TRIM2: variants seen among roughly 807,000 people sequenced by gnomAD.
TRIM2 encodes tripartite motif containing 2, also known as tripartite motif-containing protein 2.
In TRIM2, 20 loss-of-function variants were observed where a neutral mutation model predicts 75.2. The ratio of observed to expected loss-of-function variants is 0.27; its 90% CI spans 0.19 to 0.39. The LOEUF is 0.39. Among genes scored for constraint, TRIM2 ranks in the 10% least tolerant of loss-of-function variants. The pLI, the probability that TRIM2 is intolerant of heterozygous loss-of-function variation, is 1.00. For missense variants in TRIM2, 660 were observed against 990.8 expected (o/e 0.67, Z 4.48); for synonymous variants, 373 against 388.3 (o/e 0.96, Z 0.46).
intron 3 of TRIM2, 45 bp from the exon 4 acceptor site, chr4:153,292,937 C>CA (rs1762108119): frequency 6.5e-7 from 1 of 1,531,526 alleles, no homozygotes; most frequent in Non-Finnish European, 8.8e-7. Flanking sequence ...AGTAAGCCCT[C>CA]AACCCATGGC....
intron 1 of TRIM2, among the ~76,000 whole-genome samples, chr4:153,164,944 A>G (rs1013333288): frequency 2.6e-5 from 4 of 151,836 alleles, no homozygotes; most frequent in Admixed American, 6.6e-5. Flanking sequence ...AGAGCTAATT[A>G]TTACTTCATT....
chr4:153,160,698 G>A lies in TRIM2; in HGVS notation c.-49+7428G>A, dbSNP rs145053040. Among the ~76,000 whole-genome samples, 465 of 152,268 alleles carry A rather than the reference G, an allele frequency of 3.1e-3. 2 individuals are homozygous for A. The highest frequency in any genetic ancestry group is 9.1e-3 in the African/African-American group (379 of 41,564). ...CAGCCTCAACCTCTCAGGCTCAAGCGATCCTTATACTTCAGCCTCCCAAGT... is the reference window on the plus strand; with the variant it reads ...CAGCCTCAACCTCTCAGGCTCAAGCAATCCTTATACTTCAGCCTCCCAAGT... On this transcript the variant is annotated intron_variant, in intron 1 of 11. Transcript: ENST00000437508.
intron 8 of TRIM2, among the ~76,000 whole-genome samples, chr4:153,321,155 T>C (rs956063346): frequency 3.9e-5 from 6 of 152,148 alleles, no homozygotes; most frequent in African/African-American, 7.2e-5. Flanking sequence ...CCCAAGTATA[T>C]TAAAATGAAG....
chr4:153,180,175 T>A (rs912555480), intron 1 of TRIM2, among the ~76,000 whole-genome samples: 1 of 152,218 alleles, frequency 6.6e-6, no homozygotes, highest in Non-Finnish European at 1.5e-5. Context: ...GCAGAATGAT[T>A]TGCCTTCAAG....
chr4:153,278,678 T>C (rs1393765903), intron 3 of TRIM2, among the ~76,000 whole-genome samples: 1 of 151,970 alleles, frequency 6.6e-6, no homozygotes, highest in Non-Finnish European at 1.5e-5. Context: ...GCTGCACCTG[T>C]AGTCCCAGCT....
At chr4:153,222,458 G>A (rs1159815203) in intron 1 of TRIM2, 1 of 152,246 alleles carries the variant, frequency 6.6e-6, no homozygotes, top group Non-Finnish European at 1.5e-5. Context: ...TTGGAGGCTG[G>A]CTGCAGGAGC....
At chr4:153,230,613 G>T (rs777983331) in intron 1 of TRIM2, among the ~76,000 whole-genome samples, 6 of 152,236 alleles carry the variant, frequency 3.9e-5, no homozygotes, top group Admixed American at 6.5e-5. Context: ...GGGACTGTCA[G>T]TTTCTCCTGA....
chr4:153,231,516 G>A lies in TRIM2; in HGVS notation c.30+26956G>A, dbSNP rs566533749. Among the ~76,000 whole-genome samples, 4 of 152,156 alleles carry A rather than the reference G, an allele frequency of 2.6e-5. No homozygotes were observed. In the South Asian group the frequency reaches 8.3e-4, roughly 32 times the overall value. ...AGAGTCATTTTCCAGACAGGGATTA[G>A]GAGCCAGACACATCTGATGGGAGGA... On this transcript the variant is annotated intron_variant, in intron 1 of 11. Transcript: ENST00000338700.
At chr4:153,163,493 A>ATATTTTTTT (rs1390228832) in intron 1 of TRIM2, among the ~76,000 whole-genome samples, 2 of 80,880 alleles carry the variant, frequency 2.5e-5, no homozygotes, top group Non-Finnish European at 5.3e-5. Flanking sequence ...CTAGATTTAC[A>ATATTTTTTT]TCTTTTTTTT....
At chr4:153,292,547 T>C (rs1255396879) in intron 3 of TRIM2, among the ~76,000 whole-genome samples, 1 of 152,218 alleles carries the variant, frequency 6.6e-6, no homozygotes, top group Non-Finnish European at 1.5e-5. Context: ...AGCCTTGGCC[T>C]CCCAAAGTGC....
At chr4:153,229,394 G>C (rs1186697432) in intron 1 of TRIM2, among the ~76,000 whole-genome samples, 1 of 152,160 alleles carries the variant, frequency 6.6e-6, no homozygotes, top group Non-Finnish European at 1.5e-5. Flanking sequence ...CTCCCAAGTA[G>C]CTGGGACTAC....
At chr4:153,194,028 T>C (rs549346917) in intron 1 of TRIM2, among the ~76,000 whole-genome samples, 4 of 152,282 alleles carry the variant, frequency 2.6e-5, no homozygotes, top group South Asian at 2.1e-4. Flanking sequence ...CGTCCACTGA[T>C]GGCCCCCAGG....
chr4:153,288,932 T>A (rs1308216227), intron 3 of TRIM2, among the ~76,000 whole-genome samples: 2 of 152,156 alleles, frequency 1.3e-5, no homozygotes, highest in Non-Finnish European at 2.9e-5. Flanking sequence ...ATTTGGCTTT[T>A]AAAAAATAAT....
At chr4:153,265,758 A>G (rs921976695) in intron 1 of TRIM2, 2 of 135,376 alleles carry the variant, frequency 1.5e-5, no homozygotes, top group African/African-American at 6.0e-5. Context: ...GTGAGCACTC[A>G]TCATTTTTAC....
At chr4:153,303,876 C>T (rs371113769) in intron 6 of TRIM2, among the ~76,000 whole-genome samples, 48 of 152,136 alleles carry the variant, frequency 3.2e-4, no homozygotes, top group African/African-American at 1.1e-3. Context: ...ATTCATTATC[C>T]AGCCTTCTAG....
In TRIM2 at chr4:153,295,758, A is replaced by G. The variant is rs889090777; in HGVS notation, c.1232A>G (p.Asn411Ser). The G allele has an allele frequency of 6.2e-7, 1 of 1,614,060 alleles. No homozygotes were observed. The highest frequency in any genetic ancestry group is 8.5e-7 in the Non-Finnish European group (1 of 1,179,988). The change falls in exon 6 of 12, where the codon AAC becomes AGC. Residue 411 changes from asparagine to serine, a missense_variant. Asn to Ser is a conservative substitution (Grantham distance 46). Around this residue, in one of 2 missense-constraint regions of TRIM2, gnomAD observed 620 missense variants for 891.0 expected, o/e 0.70. Coordinates refer to ENST00000338700, the MANE Select transcript of TRIM2 (RefSeq NM_015271.5). This position sits in a 1 kb window ranked among gnomAD's most constrained non-coding sequence, Gnocchi z 7.2. ...GSVADGEILD[N>S]KNGTYEFLYT... ...GTGGCAGACGGGGAGATCCTGGACA[A>G]CAAGAACGGCACCTATGAGTTTTTG...
At chr4:153,227,108 T>C (rs906931429) in intron 1 of TRIM2, among the ~76,000 whole-genome samples, 2 of 152,212 alleles carry the variant, frequency 1.3e-5, no homozygotes, top group Non-Finnish European at 2.9e-5. Context: ...CTGGCTGTGG[T>C]AGAACCCTCT....
intron 1 of TRIM2, among the ~76,000 whole-genome samples, chr4:153,266,166 A>G (rs1754999231): frequency 6.6e-6 from 1 of 151,884 alleles, no homozygotes; most frequent in Non-Finnish European, 1.5e-5. Flanking sequence ...ATGTTATTTT[A>G]TTTTATTATT....
chr4:153,326,339 A>G (rs548126455), intron 10 of TRIM2, among the ~76,000 whole-genome samples: 2 of 152,172 alleles, frequency 1.3e-5, no homozygotes, highest in African/African-American at 4.8e-5. Flanking sequence ...TTTAAACTCA[A>G]TTTTCTTCTT....
Sources: allele counts gnomAD v4.1 joint callset (sites outside exome capture counted in the v4.1 genomes callset), GRCh38; gene constraint gnomAD v4.1.1; regional missense constraint gnomAD v4.1.1; non-coding constraint Gnocchi (gnomAD v3.1); transcripts MANE v1.5; gene names NCBI Gene and HGNC (gene_info 2026-07-23, HGNC 2026-07-21).